Variants in CSMD1 observed in about 807,000 individuals in gnomAD.
CSMD1 encodes CUB and sushi domain-containing protein 1.
Under a neutral mutation model 417.5 loss-of-function variants are expected in CSMD1, and 213 were observed. That is an observed-to-expected ratio of 0.51 (90% CI 0.46 to 0.57). The LOEUF (loss-of-function observed/expected upper bound fraction) is 0.57, where lower values mean the gene tolerates loss of function less well. CSMD1 is among the 20% of genes least tolerant of loss of function. CSMD1 has a pLI of 0.00. For missense variants in CSMD1, 6,923 were observed against 4,529.7 expected (o/e 1.53, Z -15.17); for synonymous variants, 2,862 against 1,736.8 (o/e 1.65, Z -16.11).
At chr8:3,998,175 C>T (rs1206943456) in intron 4 of CSMD1, 65 bp from the exon 5 acceptor site, 7 of 1,349,234 alleles carry the variant, frequency 5.2e-6, no homozygotes, top group East Asian at 2.5e-5. Flanking sequence ...CGAGTGTGTC[C>T]ACCAAGTGTC....
chr8:4,216,538 G>C (rs527752154), intron 3 of CSMD1, among the ~76,000 whole-genome samples: 1 of 152,242 alleles, frequency 6.6e-6, no homozygotes, highest in African/African-American at 2.4e-5. Flanking sequence ...GAATTCTCAA[G>C]ATCAAAGAAC....
At chr8:4,873,379 G>T (rs1028149778) in intron 1 of CSMD1, among the ~76,000 whole-genome samples, 8 of 152,118 alleles carry the variant, frequency 5.3e-5, no homozygotes, top group African/African-American at 1.9e-4. Context: ...ATCAGCGATA[G>T]AGGAGAGACT....
At chr8:4,781,624 A>G (rs777368135) in intron 1 of CSMD1, among the ~76,000 whole-genome samples, 1 of 152,204 alleles carries the variant, frequency 6.6e-6, no homozygotes, top group Non-Finnish European at 1.5e-5. Flanking sequence ...GTACTTTCTG[A>G]TCCTGTACTT....
chr8:4,743,508 C>G (rs551609381), intron 1 of CSMD1, among the ~76,000 whole-genome samples: 169 of 152,248 alleles, frequency 1.1e-3, no homozygotes, highest in Non-Finnish European at 8.4e-4. Context: ...CATGAACCTC[C>G]TGCTTTGAGT....
intron 54 of CSMD1, among the ~76,000 whole-genome samples, chr8:2,994,804 T>A (rs1488790945): frequency 6.6e-6 from 1 of 152,202 alleles, no homozygotes; most frequent in African/African-American, 2.4e-5. Flanking sequence ...CCTGATAATG[T>A]TCCTTTGTAA....
At chr8:4,119,101 A>G (rs535184523) in intron 3 of CSMD1, among the ~76,000 whole-genome samples, 1 of 152,180 alleles carries the variant, frequency 6.6e-6, no homozygotes, top group Admixed American at 6.5e-5. Context: ...GTGGGTGGGG[A>G]CAAGAGAAGG....
intron 3 of CSMD1, among the ~76,000 whole-genome samples, chr8:4,276,165 T>A (rs182389959): frequency 1.3e-5 from 2 of 152,240 alleles, no homozygotes; most frequent in South Asian, 2.1e-4. Flanking sequence ...TAAAGACACA[T>A]GCACACATAT....
intron 26 of CSMD1, among the ~76,000 whole-genome samples, chr8:3,239,325 G>A (rs1190545955): frequency 6.6e-6 from 1 of 152,260 alleles, no homozygotes; most frequent in East Asian, 1.9e-4. Context: ...AGGCCAAACC[G>A]AGAAATTATG....
At chr8:4,180,893 T>G (rs1019985312) in intron 3 of CSMD1, among the ~76,000 whole-genome samples, 19 of 152,296 alleles carry the variant, frequency 1.2e-4, no homozygotes, top group African/African-American at 4.6e-4. Flanking sequence ...TTACTGTGCA[T>G]TGGTATATTT....
At chr8:4,026,943 C>G (rs61203984) in intron 4 of CSMD1, among the ~76,000 whole-genome samples, 6 of 146,878 alleles carry the variant, frequency 4.1e-5, no homozygotes, top group African/African-American at 1.3e-4. Context: ...AACAAACAAA[C>G]AAACTGAAAA....
intron 3 of CSMD1, among the ~76,000 whole-genome samples, chr8:4,074,173 G>A (rs570148856): frequency 5.3e-5 from 8 of 151,894 alleles, no homozygotes; most frequent in East Asian, 3.9e-4. Context: ...TAACTTGTAT[G>A]GTCCAAATTA....
intron 3 of CSMD1, among the ~76,000 whole-genome samples, chr8:4,266,072 C>A (rs1230567187): frequency 9.6e-6 from 1 of 103,720 alleles, no homozygotes; most frequent in Non-Finnish European, 2.6e-5. Context: ...CACCTGCCCA[C>A]CGCACATAGA....
At chr8:3,775,513 T>C (rs1314871101) in intron 5 of CSMD1, among the ~76,000 whole-genome samples, 1 of 152,168 alleles carries the variant, frequency 6.6e-6, no homozygotes, top group Admixed American at 6.5e-5. Flanking sequence ...ACATTTCCAA[T>C]AGGATCCTAA....
intron 1 of CSMD1, among the ~76,000 whole-genome samples, chr8:4,983,655 T>G (rs933766954): frequency 3.3e-5 from 5 of 152,152 alleles, no homozygotes; most frequent in Non-Finnish European, 7.3e-5. Context: ...CCCATGTAGC[T>G]TGGATTACGG....
chr8:3,367,154 C>T lies in CSMD1; in HGVS notation c.2993G>A (p.Arg998Lys), dbSNP rs1440352435. The T allele has an allele frequency of 1.9e-6, 3 of 1,613,718 alleles. No individual in the cohort carries two copies. The highest frequency in any genetic ancestry group is 8.5e-7 in the Non-Finnish European group (1 of 1,179,790). Residue 998 changes from arginine to lysine, a missense_variant, in exon 20 of 70, where the codon AGG (arginine) becomes AAG (lysine). Physicochemically the swap from Arg to Lys is conservative, Grantham distance 26 (BLOSUM62 2). Transcript: ENST00000635120. The stretch of plus-strand genomic sequence containing the variant: ...ATGAGGCAACACCGACCCGGTGAGC[C>T]TGGCAACGGGCTCGGAAAAACTTCC... ...EDGSFSEPVA[R>K]LTGSVLPHTI...
chr8:4,477,782 C>A (rs748454517), intron 2 of CSMD1, among the ~76,000 whole-genome samples: 2 of 152,108 alleles, frequency 1.3e-5, no homozygotes, highest in Non-Finnish European at 2.9e-5. Context: ...TAAGTGAGAA[C>A]TTTTATTAAG....
At chr8:4,029,303 C>G (rs914039333) in intron 4 of CSMD1, among the ~76,000 whole-genome samples, 1 of 152,086 alleles carries the variant, frequency 6.6e-6, no homozygotes, top group African/African-American at 2.4e-5. Flanking sequence ...TCTGTTTTCA[C>G]GCTGGTGATA....
rs1002237819 is a variant in CSMD1 at position 3,864,966 on chromosome 8, G to C, written c.819-110924C>G. On this transcript the variant is annotated intron_variant, in intron 5 of 69. Transcript: ENST00000635120. ...GGTGAACGAGCAGCTTTTCCTTCCA[G>C]TTTTGGCAGCATGACATCATCTGCT... is the stretch of plus-strand genomic sequence containing the variant. 3.0e-4 allele frequency among the ~76,000 whole-genome samples: 46 copies of C among 152,188 alleles called. 1 individual carries two copies. The highest frequency in any genetic ancestry group is 1.3e-4 in the Admixed American group (2 of 15,276).
chr8:4,611,297 T>C (rs917554480), intron 2 of CSMD1, among the ~76,000 whole-genome samples: 18 of 152,186 alleles, frequency 1.2e-4, no homozygotes, highest in Non-Finnish European at 2.4e-4. Flanking sequence ...TACCAATAAA[T>C]ATGAAAGTTT....
Sources: allele counts gnomAD v4.1 joint callset (sites outside exome capture counted in the v4.1 genomes callset), GRCh38; gene constraint gnomAD v4.1.1; transcripts MANE v1.5; gene names NCBI Gene and HGNC (gene_info 2026-07-23, HGNC 2026-07-21).